DNAJC3: variants seen among roughly 807,000 people sequenced by gnomAD.
DNAJC3 encodes dnaJ homolog subfamily C member 3.
A neutral mutation model predicts 68.6 loss-of-function variants in DNAJC3; 38 were observed. The observed-to-expected ratio is 0.55, with a 90% CI of 0.43 to 0.73. The LOEUF is 0.73. DNAJC3 is among the 30% of genes least tolerant of loss of function. The probability of loss-of-function intolerance (pLI) is 0.00; values close to 1 mark genes in which losing one functional copy is unlikely to be tolerated. For synonymous variants in DNAJC3, 203 were observed against 204.0 expected (o/e 1.00, Z 0.04); for missense variants, 526 against 591.9 (o/e 0.89, Z 1.16).
chr13:95,761,127 G>A (rs1882808023), intron 7 of DNAJC3, among the ~76,000 whole-genome samples: 1 of 152,112 alleles, frequency 6.6e-6, no homozygotes, highest in African/African-American at 2.4e-5. Flanking sequence ...AGCATTGCGT[G>A]GGAGACAAAT....
At chr13:95,769,017 CT>C (rs2139682721) in intron 9 of DNAJC3, among the ~76,000 whole-genome samples, 1 of 148,420 alleles carries the variant, frequency 6.7e-6, no homozygotes, top group African/African-American at 2.6e-5. Flanking sequence ...ATATCTATAT[CT>C]ATATCTATAT....
intron 9 of DNAJC3, among the ~76,000 whole-genome samples, chr13:95,773,731 CTTTTT>C (rs143145399): frequency 1.4e-5 from 1 of 71,324 alleles, no homozygotes; most frequent in African/African-American, 5.7e-5. Context: ...TTTTGTTGGT[CTTTTT>C]TTTTTTTTTT....
intron 9 of DNAJC3, among the ~76,000 whole-genome samples, chr13:95,780,900 T>C (rs1883431739): frequency 6.6e-6 from 1 of 152,134 alleles, no homozygotes; most frequent in African/African-American, 2.4e-5. Context: ...GGCTATATTG[T>C]GAAGGAAAGC....
chr13:95,690,813 G>A (rs1442325500), intron 1 of DNAJC3, among the ~76,000 whole-genome samples: 38 of 137,002 alleles, frequency 2.8e-4, no homozygotes, highest in South Asian at 7.1e-4. Context: ...CCTCCCTCCC[G>A]GACGGGGCAG....
intron 9 of DNAJC3, among the ~76,000 whole-genome samples, chr13:95,783,734 A>G (rs1217407276): frequency 6.6e-6 from 1 of 152,154 alleles, no homozygotes. Flanking sequence ...AAAATCTGTT[A>G]GTCTTGTTGT....
intron 4 of DNAJC3, chr13:95,742,734 G>C (rs1204683006): frequency 1.9e-6 from 1 of 519,008 alleles, no homozygotes; most frequent in Admixed American, 1.9e-5. Context: ...ACTTTCAGAT[G>C]CCTCTCGTCA....
chr13:95,727,638 A>C (rs1444155032), intron 4 of DNAJC3, among the ~76,000 whole-genome samples: 3 of 152,164 alleles, frequency 2.0e-5, no homozygotes, highest in African/African-American at 7.2e-5. Context: ...CAATAAGAAA[A>C]TTGTTTTTGT....
intron 4 of DNAJC3, chr13:95,743,040 T>G (rs1367699868): frequency 8.2e-6 from 3 of 364,180 alleles, no homozygotes; most frequent in African/African-American, 4.3e-5. Flanking sequence ...AAGACTTTGT[T>G]TCTTTCATTG....
chr13:95,701,318 T>G (rs1048716572), intron 1 of DNAJC3, among the ~76,000 whole-genome samples: 1 of 152,218 alleles, frequency 6.6e-6, no homozygotes, highest in Admixed American at 6.5e-5. Flanking sequence ...TTTGAGAAAC[T>G]GTAGACACAA....
intron 2 of DNAJC3, among the ~76,000 whole-genome samples, chr13:95,718,849 A>G (rs1465029552): frequency 1.3e-5 from 2 of 152,214 alleles, no homozygotes; most frequent in Non-Finnish European, 2.9e-5. Flanking sequence ...CTCTCCACCA[A>G]GTAATCCTAC....
Position 95,709,257 on chromosome 13 carries a change from A to C in DNAJC3, c.113A>C (p.Glu38Ala), listed in dbSNP as rs1424196948. Residue 38 changes from glutamate to alanine, a missense_variant, in exon 2 of 12, where the codon GAG becomes GCG. Glu to Ala is a moderately radical substitution (Grantham distance 107, BLOSUM62 -1). Transcript: ENST00000602402. The part of the protein sequence containing the change: ...GAECGVNADV[E>A]KHLELGKKLL... The stretch of plus-strand genomic sequence containing the variant: ...GAATGTGGAGTAAATGCAGATGTTG[A>C]GAAACATCTTGAATTGGGCAAGAAA... The C allele has an allele frequency of 2.5e-6, 4 of 1,583,290 alleles. No individual in the cohort carries two copies.
At chr13:95,725,839 A>G (rs1394161505) in intron 4 of DNAJC3, among the ~76,000 whole-genome samples, 5 of 80,902 alleles carry the variant, frequency 6.2e-5, no homozygotes, top group Admixed American at 1.9e-4. Flanking sequence ...CCCACCCCAC[A>G]ACAGTCCCCG....
intron 4 of DNAJC3, among the ~76,000 whole-genome samples, chr13:95,752,326 T>C (rs916265593): frequency 2.4e-4 from 36 of 152,338 alleles, no homozygotes; most frequent in Non-Finnish European, 5.0e-4. Context: ...AATGTATTTT[T>C]TGTGTAAAAA....
chr13:95,784,222 A>G lies in DNAJC3; in HGVS notation c.1076-1717A>G, dbSNP rs1423236416. On this transcript the variant is annotated intron_variant, in intron 9 of 11. Transcript: ENST00000602402. ...AATCTATTATTGGAATTATCTATGC[A>G]GGGAGAATATTGAGAAAAATTTGAG... 2.0e-5 allele frequency among the ~76,000 whole-genome samples: 3 copies of G among 152,226 alleles called. No individual in the cohort carries two copies. In the East Asian group the frequency reaches 5.8e-4, roughly 29 times the overall value.
intron 1 of DNAJC3, among the ~76,000 whole-genome samples, chr13:95,678,858 C>T (rs1224849205): frequency 6.6e-6 from 1 of 151,992 alleles, no homozygotes; most frequent in Non-Finnish European, 1.5e-5. Flanking sequence ...TGGTATTTTC[C>T]ATAAGAAAAC....
At chr13:95,779,977 A>G (rs1883404481) in intron 9 of DNAJC3, among the ~76,000 whole-genome samples, 1 of 152,122 alleles carries the variant, frequency 6.6e-6, no homozygotes, top group Non-Finnish European at 1.5e-5. Context: ...TGCCCTAGCT[A>G]TTTGTGGGGC....
intron 9 of DNAJC3, among the ~76,000 whole-genome samples, chr13:95,771,622 G>A (rs1044051867): frequency 7.2e-5 from 11 of 152,252 alleles, no homozygotes; most frequent in Middle Eastern, 6.8e-3. Context: ...TGCTCAAGCT[G>A]GATTCCACAG....
intron 1 of DNAJC3, among the ~76,000 whole-genome samples, chr13:95,706,348 A>G (rs1004637048): frequency 1.3e-5 from 2 of 152,228 alleles, no homozygotes. Flanking sequence ...CCTCTGCTTT[A>G]TAAGTATATA....
chr13:95,782,720 G>A (rs139978639), intron 9 of DNAJC3, among the ~76,000 whole-genome samples: 8 of 152,118 alleles, frequency 5.3e-5, no homozygotes, highest in Admixed American at 1.3e-4. Flanking sequence ...TGGATAGATC[G>A]CAAAAATTTT....
Sources: allele counts gnomAD v4.1 joint callset (sites outside exome capture counted in the v4.1 genomes callset), GRCh38; gene constraint gnomAD v4.1.1; transcripts MANE v1.5; gene names NCBI Gene and HGNC (gene_info 2026-07-23, HGNC 2026-07-21).